The following ZBTB38 variants were observed in gnomAD, a reference collection of about 807,000 sequenced individuals.
ZBTB38 encodes the protein zinc finger and BTB domain containing 38.
In ZBTB38, 20 loss-of-function variants were observed where a neutral mutation model predicts 76.8. That is an observed-to-expected ratio of 0.26 (90% confidence interval 0.18 to 0.38). ZBTB38 has a LOEUF of 0.38. Ranked by LOEUF, ZBTB38 falls within the 10% of genes least tolerant of loss-of-function variation. ZBTB38 has a pLI of 1.00. For missense variants in ZBTB38, 1,082 were observed against 1,482.3 expected (o/e 0.73, Z 4.43); for synonymous variants, 504 against 544.2 (o/e 0.93, Z 1.03).
intron 1 of ZBTB38, among the ~76,000 whole-genome samples, chr3:141,336,695 T>C (rs1943024319): frequency 6.6e-6 from 1 of 152,194 alleles, no homozygotes; most frequent in Non-Finnish European, 1.5e-5. Flanking sequence ...TTTTGTGTTG[T>C]GCGGTTTCTC....
intron 1 of ZBTB38, among the ~76,000 whole-genome samples, chr3:141,335,716 T>C (rs1942997865): frequency 2.0e-5 from 3 of 152,242 alleles, no homozygotes; most frequent in East Asian, 1.9e-4. Context: ...TGCTGAACTC[T>C]CCATGACATG....
intron 4 of ZBTB38, among the ~76,000 whole-genome samples, chr3:141,391,302 A>T (rs1226462174): frequency 6.6e-6 from 1 of 152,224 alleles, no homozygotes; most frequent in Non-Finnish European, 1.5e-5. Flanking sequence ...GGATCTAGTC[A>T]GGTGAAGATC....
chr3:141,345,699 G>A (rs559029246), intron 1 of ZBTB38, among the ~76,000 whole-genome samples: 19 of 152,214 alleles, frequency 1.2e-4, no homozygotes, highest in Non-Finnish European at 2.5e-4. Context: ...GCTTATGGTT[G>A]TGGTGCATGG....
intron 5 of ZBTB38, among the ~76,000 whole-genome samples, chr3:141,407,438 G>C (rs138541559): frequency 6.6e-6 from 1 of 152,194 alleles, no homozygotes; most frequent in Non-Finnish European, 1.5e-5. Context: ...ATATACCATA[G>C]TAGGTAATTA....
intron 5 of ZBTB38, 41 bp downstream of exon 5, chr3:141,404,072 G>A (rs1038288281): frequency 4.6e-5 from 7 of 152,148 alleles, no homozygotes; most frequent in African/African-American, 1.7e-4. Context: ...CATGAGATAG[G>A]AAATGGTCTT....
intron 5 of ZBTB38, among the ~76,000 whole-genome samples, chr3:141,437,371 A>G (rs778626183): frequency 6.6e-6 from 1 of 152,080 alleles, no homozygotes; most frequent in Non-Finnish European, 1.5e-5. Context: ...TTGAACTCCC[A>G]TACCTTTTCC....
At chr3:141,343,280 T>C (rs1576651828) in intron 1 of ZBTB38, among the ~76,000 whole-genome samples, 1 of 152,056 alleles carries the variant, frequency 6.6e-6, no homozygotes, top group East Asian at 1.9e-4. Context: ...CACGGGAGTA[T>C]TGGTTAAACC....
chr3:141,374,611 A>G lies in ZBTB38; in HGVS notation c.-235+4665A>G, dbSNP rs188240538. Among the ~76,000 whole-genome samples the G allele has an allele frequency of 1.2e-4, 18 of 152,242 alleles. No individual in the cohort carries two copies. The East Asian group carries it at 3.5e-3, about 29-fold the overall frequency. On this transcript the variant is annotated intron_variant, in intron 2 of 5. Coordinates refer to ENST00000321464, the MANE Select transcript of ZBTB38 (RefSeq NM_001376113.1). ...TTTAAAAAGAGAGAAGAATATATAC[A>G]AGAAAAAAATTGGAAAAAATACATC... is the stretch of plus-strand genomic sequence containing the variant.
At chr3:141,412,272 T>C (rs1956925954) in intron 5 of ZBTB38, among the ~76,000 whole-genome samples, 1 of 152,192 alleles carries the variant, frequency 6.6e-6, no homozygotes, top group Non-Finnish European at 1.5e-5. Flanking sequence ...CGATTACCCT[T>C]GTGAAAGGCA....
At chr3:141,434,302 T>C in intron 5 of ZBTB38, 2 of 723,322 alleles carry the variant, frequency 2.8e-6, no homozygotes, top group Non-Finnish European at 3.4e-6. Flanking sequence ...ACAGTTTCTC[T>C]CCTAAGGCTT....
chr3:141,371,415 C>T (rs541880112), intron 2 of ZBTB38, among the ~76,000 whole-genome samples: 5 of 151,334 alleles, frequency 3.3e-5, no homozygotes, highest in East Asian at 2.0e-4. Flanking sequence ...TGCAGTGGCA[C>T]GATCATGGCT....
Position 141,446,148 on chromosome 3 carries a change from T to C in ZBTB38, c.*172T>C, listed in dbSNP as rs970801592. Reference sequence around the variant, plus strand: ...GGATCCTAATATCTACTTTGGGTTTTAGCATTAACTTTATGCAAAGTGCAC... The same window carrying C: ...GGATCCTAATATCTACTTTGGGTTTCAGCATTAACTTTATGCAAAGTGCAC... On this transcript the variant is annotated 3_prime_UTR_variant, in exon 6 of 6. Transcript: ENST00000321464. The C allele has an allele frequency of 3.4e-6, 2 of 582,908 alleles. No homozygotes were observed. The highest frequency in any genetic ancestry group is 3.8e-5 in the African/African-American group (2 of 52,290). The allele number at this position is 582,908 out of a possible 1,614,324, so 36.1% of individuals were successfully genotyped here. A position where few individuals can be genotyped will look rare whatever the true frequency, so the allele number is the denominator to read the frequency against.
At chr3:141,404,878 A>G (rs1953805801) in intron 5 of ZBTB38, among the ~76,000 whole-genome samples, 1 of 152,220 alleles carries the variant, frequency 6.6e-6, no homozygotes, top group Non-Finnish European at 1.5e-5. Flanking sequence ...AGAGAGGCAC[A>G]GTAGGATGGA....
intron 5 of ZBTB38, among the ~76,000 whole-genome samples, chr3:141,430,498 C>T (rs992087245): frequency 6.6e-6 from 1 of 152,230 alleles, no homozygotes; most frequent in Non-Finnish European, 1.5e-5. Context: ...TTCTTGAACC[C>T]CCTGCCAGGT....
chr3:141,340,949 G>GGAAATAAAGAAA (rs1943166931), intron 1 of ZBTB38, among the ~76,000 whole-genome samples: 1 of 111,928 alleles, frequency 8.9e-6, no homozygotes, highest in Non-Finnish European at 1.7e-5. Flanking sequence ...AAAGAAAGAA[G>GGAAATAAAGAAA]GAAAGAAAGA....
At chr3:141,432,662 T>C (rs1240301725) in intron 5 of ZBTB38, among the ~76,000 whole-genome samples, 1 of 152,238 alleles carries the variant, frequency 6.6e-6, no homozygotes, top group South Asian at 2.1e-4. Context: ...CGTTTTGCAT[T>C]GTAAGAATTA....
At chr3:141,424,639 T>TGTGTGTGTGC in intron 5 of ZBTB38, among the ~76,000 whole-genome samples, 1 of 146,926 alleles carries the variant, frequency 6.8e-6, no homozygotes, top group Non-Finnish European at 1.5e-5. Flanking sequence ...TGCCTGTATG[T>TGTGTGTGTGC]GTGTGTGTGC....
At chr3:141,357,329 C>T (rs1943691039) in intron 1 of ZBTB38, among the ~76,000 whole-genome samples, 1 of 151,986 alleles carries the variant, frequency 6.6e-6, no homozygotes, top group Non-Finnish European at 1.5e-5. Flanking sequence ...CAAAGTATGT[C>T]ATTTGTCTTT....
intron 3 of ZBTB38, among the ~76,000 whole-genome samples, chr3:141,382,418 C>T (rs1205980816): frequency 1.3e-5 from 2 of 152,138 alleles, no homozygotes; most frequent in Non-Finnish European, 2.9e-5. Context: ...AATAAACTCA[C>T]TTATGAAGTG....
Sources: allele counts gnomAD v4.1 joint callset (sites outside exome capture counted in the v4.1 genomes callset), GRCh38; gene constraint gnomAD v4.1.1; transcripts MANE v1.5; gene names NCBI Gene and HGNC (gene_info 2026-07-23, HGNC 2026-07-21).